The following ZWINT variants were observed in gnomAD, a reference collection of about 807,000 sequenced individuals.
ZWINT encodes ZW10 interacting kinetochore protein, also known as outer kinetochore KNL1 complex subunit ZWINT.
A neutral mutation model predicts 41.5 loss-of-function variants in ZWINT; 41 were observed. The observed-to-expected ratio is 0.99, with a 90% confidence interval of 0.77 to 1.28. The LOEUF (loss-of-function observed/expected upper bound fraction) is 1.28. Ranked by LOEUF, ZWINT falls within the 50% of genes most tolerant of loss-of-function variation. ZWINT has a pLI of 0.00. For synonymous variants in ZWINT, 132 were observed against 126.8 expected, an observed-to-expected ratio of 1.04 and a Z score of -0.28; for missense variants, 369 against 329.7, an observed-to-expected ratio of 1.12 and a Z score of -0.92.
rs755393132 is a variant in ZWINT at position 56,358,889 on chromosome 10, CCT to C, written c.537_538del (p.Gly180AspfsTer6). On this transcript the variant is annotated frameshift_variant, in exon 6 of 9. Coordinates refer to ENST00000373944, the MANE Select transcript of ZWINT (RefSeq NM_007057.4). LOFTEE classifies it high-confidence loss of function. ...CACCCTGTCAAGCTCCTGCTGAGTC[CCT>C]GTCTTACGCTCCCTCACCTCTGCAG... The C allele has an allele frequency of 1.7e-5, 27 of 1,613,964 alleles. No individual in the cohort carries two copies. In the East Asian group the frequency reaches 2.5e-4, roughly 15 times the overall value.
In ZWINT at chr10:56,359,686, C is replaced by T. The variant is rs1416460568; in HGVS notation, c.423+1G>A. On this transcript the variant is annotated splice_donor_variant, in intron 4 of 8. Transcript: ENST00000373944. LOFTEE classifies it high-confidence loss of function. ...CCTGTACTCAAGACCCCTGGGTGTA[C>T]CTTGGCCTGGAGCTGCTCAAAGGCT... 2 of 1,614,054 alleles carry T rather than the reference C, an allele frequency of 1.2e-6. No homozygotes were observed. The highest frequency in any genetic ancestry group is 1.7e-6 in the Non-Finnish European group (2 of 1,180,042).
chr10:56,358,396 C>A lies in ZWINT; in HGVS notation c.*22G>T. ...TCTGACCTTTTCTAGGATCTTTCTC[C>A]ATGCTGCTGTCCTCCAGGAAGTCAT... On this transcript the variant is annotated 3_prime_UTR_variant, in exon 8 of 9. Transcript: ENST00000373944. 6.2e-7 allele frequency: 1 copy of A among 1,614,118 alleles called. No homozygotes were observed. Among genetic ancestry groups the A allele is most frequent in the Non-Finnish European group, 8.5e-7 (1 of 1,179,976 alleles).
chr10:56,359,494 G>A lies in ZWINT; in HGVS notation c.462C>T (p.Asn154=). The part of the protein sequence containing the change: ...MAMEKRRAVQ[N]QWQLQQEKHL... ...AACCTACCTGTTGTAGCTGCCACTG[G>A]TTCTGGACTGCTCTGCGTTTCTCCA... The change falls in exon 5 of 9, where the codon AAC becomes AAT. Residue 154 remains asparagine, a synonymous_variant. Transcript: ENST00000373944. 1.3e-6 allele frequency: 2 copies of A among 1,547,066 alleles called. No homozygotes were observed. Among genetic ancestry groups the A allele is most frequent in the Non-Finnish European group, 1.7e-6 (2 of 1,151,506 alleles).
In ZWINT at chr10:56,361,139, G is replaced by A. The variant is rs546243956; in HGVS notation, c.41+57C>T. 9 of 1,594,756 alleles carry A rather than the reference G, an allele frequency of 5.6e-6. No individual in the cohort carries two copies. In the East Asian group the frequency reaches 8.9e-5, roughly 16 times the overall value. ...GAGGGCACCAATCATTACACATAGG[G>A]GCCCACAAGGTCCTCCCAGGCCCGG... On this transcript the variant is annotated intron_variant, in intron 1 of 8. Transcript: ENST00000373944.
At chr10:56,361,042 C>G (rs763251385) in intron 1 of ZWINT, among the ~76,000 whole-genome samples, 154 bp downstream of exon 1, 1 of 152,102 alleles carries the variant, frequency 6.6e-6, no homozygotes, top group Non-Finnish European at 1.5e-5. Flanking sequence ...ACAGACACCT[C>G]AGGAACCTAA....
Position 56,361,215 on chromosome 10 carries a change from C to T in ZWINT, c.22G>A (p.Ala8Thr). The change falls in exon 1 of 9, where the codon GCG becomes ACG. Residue 8 changes from alanine (A) to threonine (T), a missense_variant. Physicochemically the swap from Ala to Thr is moderately conservative, Grantham distance 58. Transcript: ENST00000373944. MEAAETE[A>T]EAAALEVLAE... ...ACTTACTCTAGGGCTGCAGCTTCCG[C>T]CTCTGTCTCCGCTGCCTCCATCTTT... is the stretch of plus-strand genomic sequence containing the variant. 1.9e-6 allele frequency: 3 copies of T among 1,613,100 alleles called. No individual in the cohort carries two copies. Among genetic ancestry groups the T allele is most frequent in the Non-Finnish European group, 2.5e-6 (3 of 1,179,994 alleles).
intron 8 of ZWINT, 88 bp from the exon 9 acceptor site, chr10:56,358,273 C>G: frequency 1.0e-6 from 1 of 1,002,618 alleles, no homozygotes; most frequent in Non-Finnish European, 1.6e-6. Context: ...CACCATCCAT[C>G]TGCTCCATGG....
At position 56,358,397 on chromosome 10, in the gene ZWINT, A is replaced by G. The variant is rs1285837920; in HGVS notation, c.*21T>C. The G allele has an allele frequency of 1.2e-6, 2 of 1,614,074 alleles. No homozygotes were observed. The highest frequency in any genetic ancestry group is 1.7e-6 in the Non-Finnish European group (2 of 1,179,968). Reference sequence around the variant, plus strand: ...CTGACCTTTTCTAGGATCTTTCTCCATGCTGCTGTCCTCCAGGAAGTCATG... The same window carrying G: ...CTGACCTTTTCTAGGATCTTTCTCCGTGCTGCTGTCCTCCAGGAAGTCATG... On this transcript the variant is annotated 3_prime_UTR_variant, in exon 8 of 9. Coordinates refer to ENST00000373944, the MANE Select transcript of ZWINT (RefSeq NM_007057.4).
At chr10:56,360,502 G>C (rs1432492134) in intron 1 of ZWINT, 119 bp from the exon 2 acceptor site, 1 of 847,054 alleles carries the variant, frequency 1.2e-6, no homozygotes. Context: ...TGAGAGTCTT[G>C]CCTTGACCAG....
In ZWINT at chr10:56,359,799, C is replaced by T. The variant is rs760822213; in HGVS notation, c.311G>A (p.Arg104Lys). The change falls in exon 4 of 9, where the codon AGG becomes AAG. Residue 104 changes from arginine (R) to lysine (K), a missense_variant. Transcript: ENST00000373944. ...AATTTTGATGGCCTCTACGTGCTCC[C>T]TGTAGGTGGCCTTCAGCTCTTTCCA... ...EQWKELKATY[R>K]EHVEAIKIGL... 6 of 1,614,038 alleles carry T rather than the reference C, an allele frequency of 3.7e-6. No individual in the cohort carries two copies. The highest frequency in any genetic ancestry group is 4.2e-6 in the Non-Finnish European group (5 of 1,180,042).
At chr10:56,358,748 A>G (rs1160808612) in intron 6 of ZWINT, 24 bp from the exon 7 acceptor site, 1 of 1,614,050 alleles carries the variant, frequency 6.2e-7, no homozygotes, top group South Asian at 1.1e-5. Flanking sequence ...GTAAGTGTGA[A>G]GGAAAGGAAT....
intron 8 of ZWINT, 40 bp downstream of exon 8, chr10:56,358,337 C>T (rs754000691): frequency 1.6e-5 from 25 of 1,536,910 alleles, no homozygotes; most frequent in Admixed American, 3.3e-5. Flanking sequence ...TCCTTCCACA[C>T]TTGCAGTCCA....
At position 56,359,498 on chromosome 10, in the gene ZWINT, T is replaced by C; in HGVS notation, c.458A>G (p.Gln153Arg). ...QMAMEKRRAV[Q>R]NQWQLQQEKH... ...TACCTGTTGTAGCTGCCACTGGTTC[T>C]GGACTGCTCTGCGTTTCTCCATGGC... The change falls in exon 5 of 9, where the codon CAG becomes CGG. Residue 153 changes from glutamine to arginine, a missense_variant. By Grantham distance (43) the Gln-to-Arg change is conservative. Coordinates refer to ENST00000373944, the MANE Select transcript of ZWINT (RefSeq NM_007057.4). 1 of 1,548,038 alleles carries C rather than the reference T, an allele frequency of 6.5e-7. No individual in the cohort carries two copies. Among genetic ancestry groups the C allele is most frequent in the Non-Finnish European group, 8.7e-7 (1 of 1,152,004 alleles).
chr10:56,360,171 C>T (rs1196066794), intron 2 of ZWINT, 30 bp from the exon 3 acceptor site: 8 of 1,613,136 alleles, frequency 5.0e-6, no homozygotes, highest in African/African-American at 2.7e-5. Context: ...AGACAGGGAA[C>T]ATCCTTACCT....
chr10:56,361,177 C>T lies in ZWINT; in HGVS notation c.41+19G>A. ...CTCCCAGGCCCGGCCCCAGCTGCCA[C>T]TTAGCCGCAAACACTTACTCTAGGG... On this transcript the variant is annotated intron_variant, in intron 1 of 8. Coordinates refer to ENST00000373944, the MANE Select transcript of ZWINT (RefSeq NM_007057.4). 6.2e-7 allele frequency: 1 copy of T among 1,613,244 alleles called. No homozygotes were observed.
intron 1 of ZWINT, among the ~76,000 whole-genome samples, chr10:56,360,814 C>A (rs550196601): frequency 6.6e-6 from 1 of 152,198 alleles, no homozygotes; most frequent in Non-Finnish European, 1.5e-5. Context: ...GGACTCAGGG[C>A]AGAGGGCTGG....
At chr10:56,360,457 A>C in intron 1 of ZWINT, 74 bp from the exon 2 acceptor site, 3 of 1,217,740 alleles carry the variant, frequency 2.5e-6, no homozygotes, top group Non-Finnish European at 3.6e-6. Context: ...GTGTACACAA[A>C]CAAATGTGGA....
chr10:56,360,492 TGA>T (rs1838302036), intron 1 of ZWINT, 109 bp from the exon 2 acceptor site: 2 of 911,572 alleles, frequency 2.2e-6, no homozygotes, highest in African/African-American at 3.3e-5. Context: ...TATATAGTAT[TGA>T]GAGTCTTGCC....
In ZWINT at chr10:56,357,856, T is replaced by C; in HGVS notation, c.*371A>G. On this transcript the variant is annotated 3_prime_UTR_variant, in exon 9 of 9. Transcript: ENST00000373944. ...ATGAATAAAATTATCTTCCCACATATAACCACCTGCCTAAAACATTCTCCT... is the reference window on the plus strand; with the variant it reads ...ATGAATAAAATTATCTTCCCACATACAACCACCTGCCTAAAACATTCTCCT... The C allele has an allele frequency of 2.8e-6, 1 of 352,086 alleles. No homozygotes were observed. Among genetic ancestry groups the C allele is most frequent in the East Asian group, 7.6e-5 (1 of 13,244 alleles). 21.8% of individuals were successfully genotyped at this position (352,086 alleles called of 1,614,324 possible). A position where few individuals can be genotyped will look rare whatever the true frequency, so the allele number is the denominator to read the frequency against.
Sources: gnomAD v4.1 joint callset for allele counts (sites outside exome capture counted in the v4.1 genomes callset) on GRCh38, gnomAD v4.1.1 for gene constraint, MANE v1.5 for transcripts, NCBI Gene and HGNC (gene_info 2026-07-23, HGNC 2026-07-21) for gene names.